The following TBC1D14 variants were observed in gnomAD, a reference collection of about 807,000 sequenced individuals.
TBC1D14 encodes the protein TBC1 domain family member 14, also known as TBC1 domain family, member 14.
Under a neutral mutation model 79.0 loss-of-function variants are expected in TBC1D14, and 26 were observed. The ratio of observed to expected loss-of-function variants is 0.33; its 90% CI spans 0.24 to 0.46. TBC1D14 has a LOEUF of 0.46. Among genes scored for constraint, TBC1D14 ranks in the 20% least tolerant of loss-of-function variants. The pLI, the probability that TBC1D14 is intolerant of heterozygous loss-of-function variation, is 1.00. For missense variants in TBC1D14, 769 were observed against 887.6 expected, an observed-to-expected ratio of 0.87 and a Z score of 1.70; for synonymous variants, 394 against 349.9, an observed-to-expected ratio of 1.13 and a Z score of -1.40.
intron 12 of TBC1D14, among the ~76,000 whole-genome samples, chr4:7,016,467 C>G (rs1048101395): frequency 3.3e-5 from 5 of 152,180 alleles, no homozygotes; most frequent in Non-Finnish European, 7.3e-5. Flanking sequence ...TGCTGGAGGA[C>G]GGGAGGGGAT....
chr4:6,937,491 C>G (rs539449089), intron 2 of TBC1D14, among the ~76,000 whole-genome samples: 87 of 47,418 alleles, frequency 1.8e-3, no homozygotes, highest in African/African-American at 4.0e-3. Flanking sequence ...GGGCACAAAC[C>G]CTGGGGTTGT....
intron 3 of TBC1D14, among the ~76,000 whole-genome samples, chr4:6,988,936 G>T (rs1718192509): frequency 7.8e-6 from 1 of 128,742 alleles, no homozygotes; most frequent in Admixed American, 9.8e-5. Context: ...TGTTGCCCTG[G>T]TGCGGTTATG....
chr4:7,001,408 A>T (rs1382229930), intron 7 of TBC1D14, 157 bp downstream of exon 7: 2 of 649,960 alleles, frequency 3.1e-6, no homozygotes, highest in Non-Finnish European at 5.3e-6. Context: ...GGCAGTTGGG[A>T]GGCCTGGGTT....
At chr4:7,013,731 C>G (rs972018670) in intron 11 of TBC1D14, among the ~76,000 whole-genome samples, 1 of 134,070 alleles carries the variant, frequency 7.5e-6, no homozygotes, top group African/African-American at 2.9e-5. Context: ...GGCATGCCTG[C>G]TTTTCCAGAT....
At chr4:7,017,301 A>G (rs1001629575) in intron 12 of TBC1D14, among the ~76,000 whole-genome samples, 1 of 152,184 alleles carries the variant, frequency 6.6e-6, no homozygotes, top group African/African-American at 2.4e-5. Context: ...CTCTCTCTCC[A>G]AAACAAACAA....
intron 3 of TBC1D14, among the ~76,000 whole-genome samples, chr4:6,975,936 T>C (rs1283156892): frequency 6.6e-6 from 1 of 151,876 alleles, no homozygotes; most frequent in Non-Finnish European, 1.5e-5. Context: ...CTACTAAAAA[T>C]ACAAAAATTA....
At chr4:6,967,787 G>A (rs1348758513) in intron 3 of TBC1D14, among the ~76,000 whole-genome samples, 1 of 152,160 alleles carries the variant, frequency 6.6e-6, no homozygotes, top group Admixed American at 6.5e-5. Flanking sequence ...TTCTCCCGTG[G>A]GTTTCTTGGA....
chr4:6,925,857 G>A (rs1451607630), intron 2 of TBC1D14, among the ~76,000 whole-genome samples: 4 of 152,162 alleles, frequency 2.6e-5, no homozygotes, highest in Non-Finnish European at 4.4e-5. Context: ...CCTGGTACCC[G>A]TTCCACGCGG....
Position 7,025,016 on chromosome 4 carries a change from A to G in TBC1D14, c.1770A>G (p.Leu590=), listed in dbSNP as rs776847983. 1 of 1,614,082 alleles carries G rather than the reference A, an allele frequency of 6.2e-7. No individual in the cohort carries two copies. The change falls in exon 13 of 14, where the codon TTA becomes TTG. Residue 590 remains leucine, a synonymous_variant. Coordinates refer to ENST00000409757, the MANE Select transcript of TBC1D14 (RefSeq NM_020773.3). ...DIYLIDWIFT[L]YSKSLPLDLA... ...TTTTACCCCCTAGGATCTTTACCTTATATAGTAAATCTCTGCCCCTCGACC... is the reference window on the plus strand; with the variant it reads ...TTTTACCCCCTAGGATCTTTACCTTGTATAGTAAATCTCTGCCCCTCGACC...
At position 6,958,404 on chromosome 4, in the gene TBC1D14, G is replaced by C. The variant is rs867218491; in HGVS notation, c.723-8900G>C. ...ACACACACACACACACACACACACA[G>C]ATATTACTGAACAATCTTTTTATGC... On this transcript the variant is annotated intron_variant, in intron 2 of 13. Coordinates refer to ENST00000409757, the MANE Select transcript of TBC1D14 (RefSeq NM_020773.3). Among the ~76,000 whole-genome samples the C allele has an allele frequency of 1.5e-4, 6 of 41,066 alleles. No individual in the cohort carries two copies. In the East Asian group the frequency reaches 6.0e-3, roughly 41 times the overall value. The allele number at this position is 41,066 out of a possible 152,430, so 26.9% of individuals were successfully genotyped here.
intron 3 of TBC1D14, among the ~76,000 whole-genome samples, chr4:6,971,274 T>C (rs1347579019): frequency 6.6e-6 from 1 of 152,244 alleles, no homozygotes; most frequent in Non-Finnish European, 1.5e-5. Context: ...TAAGGGATAA[T>C]GCGCATGTGG....
chr4:6,941,334 C>T (rs972925816), intron 2 of TBC1D14, among the ~76,000 whole-genome samples: 10 of 151,958 alleles, frequency 6.6e-5, no homozygotes, highest in African/African-American at 1.2e-4. Context: ...TACAGGCGTC[C>T]GCCACCACGC....
chr4:6,937,843 T>TA (rs1553855198), intron 2 of TBC1D14, among the ~76,000 whole-genome samples: 1 of 151,664 alleles, frequency 6.6e-6, no homozygotes, highest in African/African-American at 2.4e-5. Context: ...TGGAGGGTAG[T>TA]GGGGGGTCGT....
At chr4:6,958,980 T>C (rs1230760287) in intron 2 of TBC1D14, among the ~76,000 whole-genome samples, 1 of 151,458 alleles carries the variant, frequency 6.6e-6, no homozygotes, top group Non-Finnish European at 1.5e-5. Flanking sequence ...GCCTCCCGGG[T>C]TCACGCCATT....
chr4:7,030,290 G>T (rs776802692), intron 13 of TBC1D14, 37 bp from the exon 14 acceptor site: 1 of 1,607,286 alleles, frequency 6.2e-7, no homozygotes. Context: ...TGTGTGCGTG[G>T]TCACTTAACC....
rs1711936778 is a variant in TBC1D14, at chr4:6,933,245, TCCCC to T, written c.722+9135_722+9138del. Among the ~76,000 whole-genome samples the T allele has an allele frequency of 2.8e-3, 22 of 7,758 alleles. 2 individuals carry two copies. Among genetic ancestry groups the T allele is most frequent in the African/African-American group, 9.8e-3 (20 of 2,050 alleles). The allele number at this position is 7,758 out of a possible 152,430, so 5.1% of individuals were successfully genotyped here. On this transcript the variant is annotated intron_variant, in intron 2 of 13. Coordinates refer to ENST00000409757, the MANE Select transcript of TBC1D14 (RefSeq NM_020773.3). ...AAGGCTCATTGAGAATTACCTCCCC[TCCCC>T]TCCCCTCCCCTCCCCTCCCTTCCCC...
chr4:6,956,045 G>C (rs763761776), intron 2 of TBC1D14, among the ~76,000 whole-genome samples: 1 of 152,132 alleles, frequency 6.6e-6, no homozygotes, highest in Non-Finnish European at 1.5e-5. Context: ...AGGAACTGTC[G>C]TAGGCACTAG....
chr4:6,990,129 C>A (rs1481301271), intron 3 of TBC1D14, among the ~76,000 whole-genome samples: 1 of 152,196 alleles, frequency 6.6e-6, no homozygotes, highest in African/African-American at 2.4e-5. Flanking sequence ...TGATCTGCTG[C>A]TAGAACTTTG....
intron 9 of TBC1D14, among the ~76,000 whole-genome samples, chr4:7,009,059 G>A (rs1049738214): frequency 2.0e-5 from 3 of 152,146 alleles, no homozygotes; most frequent in African/African-American, 7.2e-5. Context: ...AGAATATGAT[G>A]GTCTGGGCCA....
Sources: allele counts gnomAD v4.1 joint callset (sites outside exome capture counted in the v4.1 genomes callset), GRCh38; gene constraint gnomAD v4.1.1; transcripts MANE v1.5; gene names NCBI Gene and HGNC (gene_info 2026-07-23, HGNC 2026-07-21).